DLG5: variants seen among roughly 807,000 people sequenced by gnomAD.
DLG5 encodes the protein disks large homolog 5.
Under a neutral mutation model 189.8 loss-of-function variants are expected in DLG5, and 48 were observed. The observed-to-expected ratio is 0.25, with a 90% CI of 0.20 to 0.32. The LOEUF is 0.32. Among genes scored for constraint, DLG5 ranks in the 10% least tolerant of loss-of-function variants. The probability of loss-of-function intolerance (pLI) is 1.00; values close to 1 mark genes in which losing one functional copy is unlikely to be tolerated. For synonymous variants in DLG5, 1,016 were observed against 1,054.1 expected, an observed-to-expected ratio of 0.96 and a Z score of 0.70; for missense variants, 2,160 against 2,544.7, an observed-to-expected ratio of 0.85 and a Z score of 3.25.
chr10:77,881,211 C>T (rs1845271202), intron 1 of DLG5, among the ~76,000 whole-genome samples: 1 of 152,000 alleles, frequency 6.6e-6, no homozygotes. Context: ...GACCAGACCT[C>T]CTCCTTTCTG....
At chr10:77,847,272 A>G (rs578120719) in intron 5 of DLG5, among the ~76,000 whole-genome samples, 2 of 152,134 alleles carry the variant, frequency 1.3e-5, no homozygotes, top group South Asian at 4.2e-4. Flanking sequence ...TTCCACCACG[A>G]TGACGGCCAC....
chr10:77,806,016 T>C, intron 26 of DLG5, 155 bp from the exon 27 acceptor site: 1 of 694,754 alleles, frequency 1.4e-6, no homozygotes, highest in Non-Finnish European at 2.3e-6. Context: ...CCCACGCCCC[T>C]GGGAACCCTC....
At chr10:77,863,212 C>T (rs543020788) in intron 2 of DLG5, among the ~76,000 whole-genome samples, 10 of 152,086 alleles carry the variant, frequency 6.6e-5, no homozygotes, top group Non-Finnish European at 1.3e-4. Flanking sequence ...CCACCTCAGC[C>T]TCCCAAGCAG....
chr10:77,889,836 C>T (rs1845553998), intron 1 of DLG5, among the ~76,000 whole-genome samples: 1 of 151,986 alleles, frequency 6.6e-6, no homozygotes, highest in South Asian at 2.1e-4. Context: ...GACAACCATC[C>T]TAGGAAGTAT....
chr10:77,875,268 G>A (rs1845047512), intron 1 of DLG5, among the ~76,000 whole-genome samples: 1 of 152,184 alleles, frequency 6.6e-6, no homozygotes, highest in African/African-American at 2.4e-5. Context: ...CCTGGAGCTG[G>A]CCCTGAAAGG....
At position 77,821,937 on chromosome 10, in the gene DLG5, C is replaced by A; in HGVS notation, c.2547G>T (p.Thr849=). ...NNSTQTDIFY[T]DRLEDRKEPG... ...GCTCCTTCCTGTCTTCCAGCCTGTC[C>A]GTGTAGAAGATGTCTGTCTGCGTGG... Residue 849 remains threonine (T), a synonymous_variant, in exon 15 of 32, where the codon ACG becomes ACT. Transcript: ENST00000372391. 6.2e-7 allele frequency: 1 copy of A among 1,614,222 alleles called. No individual in the cohort carries two copies. The highest frequency in any genetic ancestry group is 8.5e-7 in the Non-Finnish European group (1 of 1,180,050).
chr10:77,806,451 AT>A (rs1841476662), intron 26 of DLG5, among the ~76,000 whole-genome samples: 1 of 152,190 alleles, frequency 6.6e-6, no homozygotes, highest in African/African-American at 2.4e-5. Flanking sequence ...ACCTATCAAT[AT>A]GTTGAAAACC....
At chr10:77,918,409 A>T (rs1330994545) in intron 1 of DLG5, among the ~76,000 whole-genome samples, 1 of 151,808 alleles carries the variant, frequency 6.6e-6, no homozygotes, top group Admixed American at 6.6e-5. Flanking sequence ...GAGACTCTGT[A>T]TCAAAAAAAA....
intron 15 of DLG5, 78 bp downstream of exon 15, chr10:77,821,004 G>A (rs1313557482): frequency 6.6e-7 from 1 of 1,514,640 alleles, no homozygotes; most frequent in Non-Finnish European, 8.8e-7. Context: ...CACTGGTGCA[G>A]GGCCACTTAG....
chr10:77,811,054 G>A (rs530436199), intron 23 of DLG5, 40 bp downstream of exon 23: 14 of 1,595,318 alleles, frequency 8.8e-6, no homozygotes, highest in South Asian at 3.4e-5. Context: ...CCACCCAGCC[G>A]AAGCGGACAC....
intron 13 of DLG5, among the ~76,000 whole-genome samples, chr10:77,825,072 C>T (rs143661410): frequency 9.1e-4 from 139 of 152,216 alleles, no homozygotes; most frequent in African/African-American, 2.9e-3. Context: ...TGCTCAGCAA[C>T]GATAAGTAAC....
chr10:77,823,124 G>A (rs1842450117), intron 14 of DLG5, among the ~76,000 whole-genome samples: 1 of 152,154 alleles, frequency 6.6e-6, no homozygotes, highest in South Asian at 2.1e-4. Context: ...CTACACTAAC[G>A]CAAAATGCCA....
chr10:77,896,639 G>A (rs554191484), intron 1 of DLG5, among the ~76,000 whole-genome samples: 4 of 151,786 alleles, frequency 2.6e-5, no homozygotes, highest in South Asian at 2.1e-4. Flanking sequence ...TCAGGAGTTC[G>A]AGACCAGCCC....
chr10:77,854,712 G>C (rs75422895), intron 3 of DLG5, among the ~76,000 whole-genome samples: 4,340 of 152,188 alleles, frequency 0.029, 93 homozygotes, highest in Admixed American at 0.045. Flanking sequence ...TAGGCTCGGC[G>C]TGACAGCTCG....
chr10:77,825,097 C>G (rs148260891), intron 13 of DLG5, among the ~76,000 whole-genome samples: 2 of 152,290 alleles, frequency 1.3e-5, no homozygotes, highest in African/African-American at 2.4e-5. Flanking sequence ...AGCCAGCACA[C>G]GCAGCCTCTT....
chr10:77,877,459 G>A (rs1312220058), intron 1 of DLG5, among the ~76,000 whole-genome samples: 2 of 152,182 alleles, frequency 1.3e-5, no homozygotes, highest in African/African-American at 2.4e-5. Flanking sequence ...CGAAGCAAAG[G>A]CTCCTGGAGG....
chr10:77,863,885 G>A (rs1292321042), intron 2 of DLG5, among the ~76,000 whole-genome samples: 2 of 152,216 alleles, frequency 1.3e-5, no homozygotes, highest in Non-Finnish European at 2.9e-5. Context: ...ATTTTGTAAA[G>A]GAGGCAACAG....
At chr10:77,919,511 A>C (rs1331600068) in intron 1 of DLG5, among the ~76,000 whole-genome samples, 1 of 150,230 alleles carries the variant, frequency 6.7e-6, no homozygotes, top group Non-Finnish European at 1.5e-5. Flanking sequence ...AAAAAAAAAA[A>C]CAAGCACCAG....
chr10:77,833,491 A>G (rs1040810931), intron 9 of DLG5, among the ~76,000 whole-genome samples: 7 of 152,224 alleles, frequency 4.6e-5, no homozygotes, highest in African/African-American at 1.7e-4. Flanking sequence ...CCATTTCTCC[A>G]GTGCCTCTAA....
Sources: gnomAD v4.1 joint callset for allele counts (sites outside exome capture counted in the v4.1 genomes callset) on GRCh38, gnomAD v4.1.1 for gene constraint, MANE v1.5 for transcripts, NCBI Gene and HGNC (gene_info 2026-07-23, HGNC 2026-07-21) for gene names.